Variants in GDAP1L1 observed in about 807,000 individuals in gnomAD.
GDAP1L1 encodes the protein ganglioside induced differentiation associated protein 1 like 1.
A neutral mutation model predicts 37.1 loss-of-function variants in GDAP1L1; 21 were observed. The ratio of observed to expected loss-of-function variants is 0.57; its 90% CI spans 0.40 to 0.81. The LOEUF (loss-of-function observed/expected upper bound fraction) is 0.81, where lower values mean the gene tolerates loss of function less well. Ranked by LOEUF, GDAP1L1 falls within the 40% of genes least tolerant of loss-of-function variation. The pLI is 0.00. For synonymous variants in GDAP1L1, 193 were observed against 209.1 expected, an observed-to-expected ratio of 0.92 and a Z score of 0.67; for missense variants, 362 against 491.6, an observed-to-expected ratio of 0.74 and a Z score of 2.49.
In GDAP1L1 at chr20:44,279,407, C is replaced by T. The variant is rs148171860; in HGVS notation, c.*107C>T. ...TCATGAACACTTGGACAGCCCTCCC[C>T]GCCCTTCGTTCTGAGTAATAATACC... On this transcript the variant is annotated 3_prime_UTR_variant, in exon 6 of 6. Transcript: ENST00000342560. The T allele has an allele frequency of 1.4e-5, 11 of 766,512 alleles. No homozygotes were observed. Among genetic ancestry groups the T allele is most frequent in the African/African-American group, 1.0e-4 (6 of 58,592 alleles). 47.5% of individuals were successfully genotyped at this position (766,512 alleles called of 1,614,324 possible).
upstream of GDAP1L1, chr20:44,247,283 A>C: frequency 6.3e-7 from 1 of 1,584,514 alleles, no homozygotes; most frequent in Non-Finnish European, 8.6e-7. Context: ...TGGGCGAGAG[A>C]GAGCCGCCGC....
chr20:44,279,078 C>T lies in GDAP1L1; in HGVS notation c.882C>T (p.Ser294=), dbSNP rs746083521. 6.2e-7 allele frequency: 1 copy of T among 1,614,134 alleles called. No homozygotes were observed. The highest frequency in any genetic ancestry group is 2.2e-5 in the East Asian group (1 of 44,892). Residue 294 remains serine (S), a synonymous_variant, in exon 6 of 6, where the codon AGC becomes AGT. Transcript: ENST00000342560. ...CCAAGAAATACTGGGAAGATGGCAG[C>T]CGGCCCAACCTGCAGTCCTTCTTTG... ...GLSKKYWEDG[S]RPNLQSFFER...
At chr20:44,248,764 G>A (rs2073383644) in intron 1 of GDAP1L1, among the ~76,000 whole-genome samples, 2 of 152,194 alleles carry the variant, frequency 1.3e-5, no homozygotes, top group African/African-American at 4.8e-5. Context: ...CAGTGGGTCT[G>A]GAATGGGGTC....
intron 3 of GDAP1L1, among the ~76,000 whole-genome samples, chr20:44,261,348 A>G (rs1418690879): frequency 1.3e-5 from 2 of 152,212 alleles, no homozygotes; most frequent in African/African-American, 4.8e-5. Flanking sequence ...GAGACTTAAT[A>G]TAGCCCTGAA....
At chr20:44,265,438 A>G (rs1475015445) in intron 5 of GDAP1L1, 3 of 985,314 alleles carry the variant, frequency 3.0e-6, no homozygotes, top group Non-Finnish European at 3.6e-6. Flanking sequence ...ATGCAAATTT[A>G]TGGTGCATTT....
Position 44,257,244 on chromosome 20 carries a change from G to A in GDAP1L1, c.272G>A (p.Arg91Gln), listed in dbSNP as rs758790831. The A allele has an allele frequency of 2.7e-5, 43 of 1,613,374 alleles. No individual in the cohort carries two copies. Among genetic ancestry groups the A allele is most frequent in the Admixed American group, 1.0e-4 (6 of 59,904 alleles). Residue 91 changes from arginine (R) to glutamine (Q), a missense_variant, in exon 2 of 6, where the codon CGG becomes CAG. Physicochemically the swap from Arg to Gln is conservative, Grantham distance 43 (BLOSUM62 1). This residue lies in a region of GDAP1L1 where 277 missense variants were observed against 337.1 expected (regional missense o/e 0.82). Transcript: ENST00000342560. The stretch of plus-strand genomic sequence containing the variant: ...GAGCACAAGGAGCCCTGGTTCATGC[G>A]GCTCAACCTGGGCGAGGAGGTGCCC... Reference protein sequence around the residue: ...QSEHKEPWFMRLNLGEEVPVI... With the variant: ...QSEHKEPWFMQLNLGEEVPVI...
At chr20:44,250,271 G>C (rs2073415051) in intron 1 of GDAP1L1, among the ~76,000 whole-genome samples, 1 of 152,178 alleles carries the variant, frequency 6.6e-6, no homozygotes, top group Non-Finnish European at 1.5e-5. Context: ...TTCCATCTCA[G>C]CTCTACCACT....
Position 44,279,921 on chromosome 20 carries a change from A to C in GDAP1L1, c.*621A>C, listed in dbSNP as rs1272266286. Reference sequence around the variant, plus strand: ...TGCAGTGGGGACGGATACCATGAGCACACCCTCTCATTGTCCTTCTGATTT... The same window carrying C: ...TGCAGTGGGGACGGATACCATGAGCCCACCCTCTCATTGTCCTTCTGATTT... On this transcript the variant is annotated 3_prime_UTR_variant, in exon 6 of 6. Coordinates refer to ENST00000342560, the MANE Select transcript of GDAP1L1 (RefSeq NM_024034.6). The C allele has an allele frequency of 5.2e-6, 2 of 384,184 alleles. No individual in the cohort carries two copies. The highest frequency in any genetic ancestry group is 1.4e-4 in the East Asian group (2 of 13,834). 23.8% of individuals were successfully genotyped at this position (384,184 alleles called of 1,614,324 possible). A position where few individuals can be genotyped will look rare whatever the true frequency, so the allele number is the denominator to read the frequency against.
chr20:44,276,355 A>AAAGGAAGG (rs3037695), intron 5 of GDAP1L1, among the ~76,000 whole-genome samples: 14,019 of 130,250 alleles, frequency 0.11, 986 homozygotes, highest in Middle Eastern at 0.17. Flanking sequence ...AGAAAGAAGG[A>AAAGGAAGG]AAGGAAGGAA....
At chr20:44,276,385 A>AGGAAGG (rs1555801116) in intron 5 of GDAP1L1, among the ~76,000 whole-genome samples, 5 of 147,196 alleles carry the variant, frequency 3.4e-5, no homozygotes, top group African/African-American at 1.0e-4. Context: ...GAAGGAAGGA[A>AGGAAGG]AAGAAAAGAA....
chr20:44,265,421 C>T, intron 5 of GDAP1L1: 2 of 985,402 alleles, frequency 2.0e-6, no homozygotes, highest in Non-Finnish European at 2.4e-6. Context: ...GTCTTGTCTC[C>T]TGAACAATGC....
rs372565273 is a variant in GDAP1L1 at position 44,249,640 on chromosome 20, G to A, written c.180+2126G>A. Reference sequence around the variant, plus strand: ...CCTCATGAAATATTTCCTATGTAGCGTGAGCTCAGGGCTGAGGTGGCCCCT... The same window carrying A: ...CCTCATGAAATATTTCCTATGTAGCATGAGCTCAGGGCTGAGGTGGCCCCT... On this transcript the variant is annotated intron_variant, in intron 1 of 5. Coordinates refer to ENST00000342560, the MANE Select transcript of GDAP1L1 (RefSeq NM_024034.6). Among the ~76,000 whole-genome samples the A allele has an allele frequency of 1.4e-4, 22 of 152,338 alleles. No individual in the cohort carries two copies. In the East Asian group the frequency reaches 1.5e-3, roughly 11 times the overall value.
At chr20:44,275,412 C>T (rs1007384218) in intron 5 of GDAP1L1, among the ~76,000 whole-genome samples, 4 of 152,042 alleles carry the variant, frequency 2.6e-5, no homozygotes, top group Admixed American at 6.6e-5. Context: ...CAGGTTTTGA[C>T]GGTAGGGAGC....
intron 2 of GDAP1L1, chr20:44,258,158 C>T (rs11907968): frequency 4.2e-6 from 3 of 717,362 alleles, no homozygotes; most frequent in African/African-American, 3.5e-5. Flanking sequence ...CAGGTTGCAG[C>T]TTCTCTTGAA....
chr20:44,247,246 G>T (rs1420896258), upstream of GDAP1L1: 1 of 1,314,516 alleles, frequency 7.6e-7, no homozygotes, highest in Non-Finnish European at 1.1e-6. Context: ...GGAGGAGAGG[G>T]GCAGGCTCGG....
intron 5 of GDAP1L1, among the ~76,000 whole-genome samples, chr20:44,268,442 A>G (rs1391098174): frequency 6.6e-6 from 1 of 152,214 alleles, no homozygotes; most frequent in African/African-American, 2.4e-5. Flanking sequence ...TTGAACACCT[A>G]CTAGATGGTA....
Position 44,264,641 on chromosome 20 carries a change from C to T in GDAP1L1, c.760+82C>T, listed in dbSNP as rs754082849. 618 of 1,537,486 alleles carry T rather than the reference C, an allele frequency of 4.0e-4. 2 individuals carry two copies. The highest frequency in any genetic ancestry group is 1.9e-3 in the Middle Eastern group (11 of 5,872). On this transcript the variant is annotated intron_variant, in intron 5 of 5. Coordinates refer to ENST00000342560, the MANE Select transcript of GDAP1L1 (RefSeq NM_024034.6). ...CTGCCCAGTCTCAGCCTCTTTTTTC[C>T]GCAAAAGTCTCAGAGGACCTCCCAG...
At chr20:44,257,573 TC>T (rs1325520678) in intron 2 of GDAP1L1, among the ~76,000 whole-genome samples, 2 of 151,754 alleles carry the variant, frequency 1.3e-5, no homozygotes, top group Non-Finnish European at 2.9e-5. Flanking sequence ...AGACCTCCCC[TC>T]CCCTGGTACT....
intron 1 of GDAP1L1, among the ~76,000 whole-genome samples, chr20:44,249,058 CAG>C (rs2073390285): frequency 6.7e-6 from 1 of 149,402 alleles, no homozygotes; most frequent in African/African-American, 2.5e-5. Context: ...TTTTTTGAGA[CAG>C]AGTCTTGCTC....
Sources: gnomAD v4.1 joint callset for allele counts (sites outside exome capture counted in the v4.1 genomes callset) on GRCh38, gnomAD v4.1.1 for gene constraint, gnomAD v4.1.1 regional missense constraint, MANE v1.5 for transcripts, NCBI Gene and HGNC (gene_info 2026-07-23, HGNC 2026-07-21) for gene names.